SPEG: variants seen among roughly 807,000 people sequenced by gnomAD.
SPEG encodes the protein striated muscle enriched protein kinase, also known as striated muscle preferentially expressed protein kinase.
Under a neutral mutation model 300.4 loss-of-function variants are expected in SPEG, and 114 were observed. That is an observed-to-expected ratio of 0.38 (90% CI 0.33 to 0.44). SPEG has a LOEUF of 0.44. Among genes scored for constraint, SPEG ranks in the 20% least tolerant of loss-of-function variants. The pLI, the probability that SPEG is intolerant of heterozygous loss-of-function variation, is 1.00. For synonymous variants in SPEG, 1,964 were observed against 2,018.9 expected, an observed-to-expected ratio of 0.97 and a Z score of 0.73; for missense variants, 4,201 against 4,586.2, an observed-to-expected ratio of 0.92 and a Z score of 2.43.
Position 219,481,514 on chromosome 2 carries a change from G to C in SPEG, c.5522+58G>C, listed in dbSNP as rs1692840544. On this transcript the variant is annotated intron_variant, in intron 27 of 40. Coordinates refer to ENST00000312358, the MANE Select transcript of SPEG (RefSeq NM_005876.5). The surrounding 1 kb of genome is among the most constrained non-coding windows in gnomAD (Gnocchi z 5.4). The stretch of plus-strand genomic sequence containing the variant: ...AGGGTCACCCTCATACCACCTGCCT[G>C]CTACTCCCAAACTCCTGCCCCTCGA... The C allele has an allele frequency of 2.5e-6, 4 of 1,607,922 alleles. No individual in the cohort carries two copies. The South Asian group carries it at 3.3e-5, about 13-fold the overall frequency.
At chr2:219,463,334 T>A (rs1403028012) in intron 8 of SPEG, among the ~76,000 whole-genome samples, 1 of 151,298 alleles carries the variant, frequency 6.6e-6, no homozygotes, top group African/African-American at 2.4e-5. Flanking sequence ...AGCTTGCTAA[T>A]TTTTTATGGT....
rs1693309431 is a variant in SPEG at position 219,485,428 on chromosome 2, T to TGCC, written c.7693_7695dup (p.Ala2565dup). On this transcript the variant is annotated inframe_insertion, in exon 31 of 41. Transcript: ENST00000312358. ...AGGGGTTATCGCCACCAAACCTCTC[T>TGCC]GCCAGCGTCCAGGAGGAGTTGGGTC... The TGCC allele has an allele frequency of 6.2e-7, 1 of 1,605,422 alleles. No individual in the cohort carries two copies. Among genetic ancestry groups the TGCC allele is most frequent in the African/African-American group, 1.3e-5 (1 of 74,622 alleles).
rs754975991 is a variant in SPEG at position 219,435,277 on chromosome 2, G to T, written c.300G>T (p.Ala100=). The T allele has an allele frequency of 2.8e-5, 42 of 1,499,734 alleles. No individual in the cohort carries two copies. Among genetic ancestry groups the T allele is most frequent in the African/African-American group, 1.5e-5 (1 of 68,800 alleles). 92.9% of individuals were successfully genotyped at this position (1,499,734 alleles called of 1,614,324 possible). The change falls in exon 1 of 41, where the codon GCG becomes GCT. Residue 100 remains alanine (A), a synonymous_variant. Transcript: ENST00000312358. ...PSCLWLRRCG[A]QDAGVYSCMA... is the part of the protein sequence containing the mutation. ...GCCTGTGGCTGCGGCGCTGCGGGGC[G>T]CAGGACGCCGGCGTGTACAGCTGCA...
chr2:219,466,837 C>A, intron 9 of SPEG: 4 of 1,097,800 alleles, frequency 3.6e-6, no homozygotes, highest in Admixed American at 4.8e-5. Context: ...TATTTCTTAA[C>A]TCAAATAAAG....
intron 3 of SPEG, among the ~76,000 whole-genome samples, chr2:219,447,180 T>G (rs1328305530): frequency 6.7e-6 from 1 of 149,522 alleles, no homozygotes; most frequent in South Asian, 2.2e-4. Context: ...TAGTAGCTAT[T>G]TCTGAGCTGA....
chr2:219,493,064 G>A lies in SPEG; in HGVS notation c.*278G>A. The A allele has an allele frequency of 1.5e-6, 1 of 676,416 alleles. No homozygotes were observed. The highest frequency in any genetic ancestry group is 1.5e-5 in the South Asian group (1 of 66,362). The allele number at this position is 676,416 out of a possible 1,614,324, so 41.9% of individuals were successfully genotyped here. ...CAAGAGGGGAATGGAGAAGTGGAGA[G>A]GAAAAGGAATCGAGGGACAGGAAGG... On this transcript the variant is annotated 3_prime_UTR_variant, in exon 41 of 41. Coordinates refer to ENST00000312358, the MANE Select transcript of SPEG (RefSeq NM_005876.5).
chr2:219,466,867 G>T (rs955902331), intron 9 of SPEG: 2 of 1,148,080 alleles, frequency 1.7e-6, no homozygotes, highest in Non-Finnish European at 2.1e-6. Context: ...TACCTATCTG[G>T]TGTGTTGTGT....
rs778167022 is a variant in SPEG, at chr2:219,443,781, G to A, written c.389-872G>A. On this transcript the variant is annotated intron_variant, in intron 1 of 40. Coordinates refer to ENST00000312358, the MANE Select transcript of SPEG (RefSeq NM_005876.5). This position sits in a 1 kb window ranked among gnomAD's most constrained non-coding sequence, Gnocchi z 4.6. ...GTGTGTGCATGTGTGTGTGTGGCCA[G>A]TGGCAGCACCAGTAAGTGCCAAGGA... is the stretch of plus-strand genomic sequence containing the variant. 65 of 363,770 alleles carry A rather than the reference G, an allele frequency of 1.8e-4. No individual in the cohort carries two copies. Among genetic ancestry groups the A allele is most frequent in the Non-Finnish European group, 3.1e-4 (56 of 182,922 alleles). The allele number at this position is 363,770 out of a possible 1,614,324, so 22.5% of individuals were successfully genotyped here. A position where few individuals can be genotyped will look rare whatever the true frequency, so the allele number is the denominator to read the frequency against.
chr2:219,448,469 G>A lies in SPEG; in HGVS notation c.1311G>A (p.Glu437=). ...CCCTGCGCAAGGCCCGCTCTCTGGA[G>A]CAGCCCAAGTCGGAGCGCGGCGCAC... The part of the protein sequence containing the change: ...WVPLRKARSL[E]QPKSERGAPW... The change falls in exon 4 of 41, where the codon GAG becomes GAA. Residue 437 remains glutamate (E), a synonymous_variant. Coordinates refer to ENST00000312358, the MANE Select transcript of SPEG (RefSeq NM_005876.5). 1 of 1,498,618 alleles carries A rather than the reference G, an allele frequency of 6.7e-7. No individual in the cohort carries two copies. Among genetic ancestry groups the A allele is most frequent in the Non-Finnish European group, 8.8e-7 (1 of 1,133,482 alleles). 92.8% of individuals were successfully genotyped at this position (1,498,618 alleles called of 1,614,324 possible). A position where few individuals can be genotyped will look rare whatever the true frequency, so the allele number is the denominator to read the frequency against.
In SPEG at chr2:219,480,239, C is replaced by T. The variant is rs894568838; in HGVS notation, c.5342+99C>T. 2.2e-6 allele frequency: 3 copies of T among 1,335,460 alleles called. No individual in the cohort carries two copies. The highest frequency in any genetic ancestry group is 1.9e-5 in the Admixed American group (1 of 53,068). The allele number at this position is 1,335,460 out of a possible 1,614,324, so 82.7% of individuals were successfully genotyped here. A position where few individuals can be genotyped will look rare whatever the true frequency, so the allele number is the denominator to read the frequency against. ...CAGGGAGATTTACCGAGCCTGAATT[C>T]CTCCTGAAGGTGGGCTGGAGGCATT... On this transcript the variant is annotated intron_variant, in intron 25 of 40. Transcript: ENST00000312358. The surrounding 1 kb of genome is among the most constrained non-coding windows in gnomAD (Gnocchi z 5.3).
In SPEG at chr2:219,481,764, G is replaced by A. The variant is rs1692865613; in HGVS notation, c.5565+84G>A. ...CAGCTCTATTTATTGAGTACCTACT[G>A]TGTGCAGTAACCACGTTAGGCATTG... On this transcript the variant is annotated intron_variant, in intron 28 of 40. Coordinates refer to ENST00000312358, the MANE Select transcript of SPEG (RefSeq NM_005876.5). The surrounding 1 kb of genome is among the most constrained non-coding windows in gnomAD (Gnocchi z 5.4). 4 of 1,248,004 alleles carry A rather than the reference G, an allele frequency of 3.2e-6. No homozygotes were observed. The highest frequency in any genetic ancestry group is 3.4e-5 in the Admixed American group (2 of 57,978). The allele number at this position is 1,248,004 out of a possible 1,614,324, so 77.3% of individuals were successfully genotyped here.
At chr2:219,470,652 T>C (rs1183378662) in intron 13 of SPEG, among the ~76,000 whole-genome samples, 1 of 152,194 alleles carries the variant, frequency 6.6e-6, no homozygotes, top group Non-Finnish European at 1.5e-5. Context: ...AGCCCTGACA[T>C]GAAGGAGGAC....
In SPEG at chr2:219,450,849, C is replaced by T. The variant is rs1689689609; in HGVS notation, c.2114-287C>T. 6.2e-6 allele frequency: 2 copies of T among 320,064 alleles called. 1 individual carries two copies. Among genetic ancestry groups the T allele is most frequent in the African/African-American group, 4.3e-5 (2 of 46,914 alleles). The allele number at this position is 320,064 out of a possible 1,614,324, so 19.8% of individuals were successfully genotyped here. ...TGTTAAAGACATACACAGTGCAGTCCTGTCTTTCTCCAGAAGCCAACGCTC... is the reference window on the plus strand; with the variant it reads ...TGTTAAAGACATACACAGTGCAGTCTTGTCTTTCTCCAGAAGCCAACGCTC... On this transcript the variant is annotated intron_variant, in intron 4 of 40. Coordinates refer to ENST00000312358, the MANE Select transcript of SPEG (RefSeq NM_005876.5).
chr2:219,477,339 C>T lies in SPEG; in HGVS notation c.4623C>T (p.Ser1541=), dbSNP rs780937372. ...TCGTGTACGAGGAGAATGAGTGCTC[C>T]CTGGTGGTGCTCAGCACGGGGGCCC... The part of the protein sequence containing the change: ...VSFVYEENEC[S]LVVLSTGAQD... The change falls in exon 20 of 41, where the codon TCC becomes TCT. Residue 1541 remains serine (S), a synonymous_variant. Transcript: ENST00000312358. This position sits in a 1 kb window ranked among gnomAD's most constrained non-coding sequence, Gnocchi z 6.4. 3.7e-6 allele frequency: 6 copies of T among 1,613,688 alleles called. No individual in the cohort carries two copies. Among genetic ancestry groups the T allele is most frequent in the Non-Finnish European group, 5.1e-6 (6 of 1,179,898 alleles).
At chr2:219,436,884 A>G (rs1350954519) in intron 1 of SPEG, among the ~76,000 whole-genome samples, 4 of 152,228 alleles carry the variant, frequency 2.6e-5, no homozygotes, top group Admixed American at 1.3e-4. Context: ...AGGGCTGAAA[A>G]TAGAACATAG....
intron 13 of SPEG, among the ~76,000 whole-genome samples, 177 bp downstream of exon 13, chr2:219,469,556 A>G (rs1334634418): frequency 1.3e-5 from 2 of 152,148 alleles, no homozygotes; most frequent in Non-Finnish European, 2.9e-5. Flanking sequence ...CTGCAAGCCC[A>G]CACAGCACTC....
rs1456005445 is a variant in SPEG, at chr2:219,485,083, G to A, written c.7609+11G>A. ...CGTCGGGCTCCTCAGGTGAGGAGGG[G>A]CAGGGGTAGGGCAGCAGGTGCAGAG... On this transcript the variant is annotated intron_variant, in intron 30 of 40. Coordinates refer to ENST00000312358, the MANE Select transcript of SPEG (RefSeq NM_005876.5). 6.5e-7 allele frequency: 1 copy of A among 1,530,952 alleles called. No homozygotes were observed. Among genetic ancestry groups the A allele is most frequent in the Admixed American group, 2.0e-5 (1 of 50,788 alleles). The allele number at this position is 1,530,952 out of a possible 1,614,324, so 94.8% of individuals were successfully genotyped here.
chr2:219,482,087 A>T, intron 28 of SPEG: 1 of 251,180 alleles, frequency 4.0e-6, no homozygotes, highest in Non-Finnish European at 7.7e-6. Flanking sequence ...TATGAGCTTC[A>T]TGTGAGCAGG....
At chr2:219,482,922 G>T (rs959434801) in intron 29 of SPEG, 70 bp downstream of exon 29, 1 of 1,516,362 alleles carries the variant, frequency 6.6e-7, no homozygotes. Context: ...TCCCCCTCCC[G>T]TGGGCCTTCA....
Sources: gnomAD v4.1 joint callset for allele counts (sites outside exome capture counted in the v4.1 genomes callset) on GRCh38, gnomAD v4.1.1 for gene constraint, Gnocchi (gnomAD v3.1) non-coding constraint, MANE v1.5 for transcripts, NCBI Gene and HGNC (gene_info 2026-07-23, HGNC 2026-07-21) for gene names.